NLGN1: variants seen among roughly 807,000 people sequenced by gnomAD.
The protein encoded by NLGN1 is neuroligin 1.
Under a neutral mutation model 65.5 loss-of-function variants are expected in NLGN1, and 12 were observed. The ratio of observed to expected loss-of-function variants is 0.18; its 90% CI spans 0.12 to 0.30. The LOEUF (loss-of-function observed/expected upper bound fraction) is 0.30. Among genes scored for constraint, NLGN1 ranks in the 10% least tolerant of loss-of-function variants. NLGN1 has a pLI of 1.00. For synonymous variants in NLGN1, 350 were observed against 359.5 expected (o/e 0.97, Z 0.30); for missense variants, 750 against 1,007.1 (o/e 0.74, Z 3.46).
intron 2 of NLGN1, among the ~76,000 whole-genome samples, chr3:173,450,701 A>T (rs960934033): frequency 6.6e-6 from 1 of 152,180 alleles, no homozygotes; most frequent in African/African-American, 2.4e-5. Flanking sequence ...AGGTACAACA[A>T]TCAGACGTAG....
chr3:173,923,114 G>A (rs66657232), intron 4 of NLGN1, among the ~76,000 whole-genome samples: 30,392 of 151,572 alleles, frequency 0.2, 3,253 homozygotes, highest in East Asian at 0.32. Flanking sequence ...TAATAGTTTC[G>A]AACTTTATTT....
At chr3:173,927,671 T>C (rs1743260495) in intron 4 of NLGN1, among the ~76,000 whole-genome samples, 1 of 152,024 alleles carries the variant, frequency 6.6e-6, no homozygotes, top group Non-Finnish European at 1.5e-5. Context: ...CATTTTAGGA[T>C]TGGAGGAGAC....
chr3:173,849,527 T>C (rs1403510259), intron 4 of NLGN1, among the ~76,000 whole-genome samples: 1 of 152,162 alleles, frequency 6.6e-6, no homozygotes, highest in Non-Finnish European at 1.5e-5. Flanking sequence ...GAAAATGTAT[T>C]ATATTTTACT....
intron 4 of NLGN1, among the ~76,000 whole-genome samples, chr3:173,966,296 A>G (rs1714848074): frequency 1.3e-5 from 2 of 152,172 alleles, no homozygotes; most frequent in African/African-American, 2.4e-5. Context: ...TGTTTTCCTA[A>G]GTCCAAAAAG....
intron 1 of NLGN1, among the ~76,000 whole-genome samples, chr3:173,406,852 T>C (rs560450465): frequency 6.6e-6 from 1 of 152,208 alleles, no homozygotes; most frequent in East Asian, 1.9e-4. Flanking sequence ...AAACACTGTG[T>C]TGCTTCTCAC....
In NLGN1 at chr3:174,280,617, G is replaced by T; in HGVS notation, c.1786G>T (p.Glu596Ter). The change falls in exon 7 of 7, where the codon GAA becomes TAA. Residue 596 changes from glutamate to a stop codon, truncating the protein, a stop_gained. Transcript: ENST00000457714. LOFTEE classifies it high-confidence loss of function. This position sits in a 1 kb window ranked among gnomAD's most constrained non-coding sequence, Gnocchi z 4.9. ...TATTGGATTAAAACCAAGAGTTAAA[G>T]AACATTACAGAGCCAATAAGGTGAA... is the stretch of plus-strand genomic sequence containing the variant. 6.2e-7 allele frequency: 1 copy of T among 1,613,228 alleles called. No homozygotes were observed. Among genetic ancestry groups the T allele is most frequent in the Non-Finnish European group, 8.5e-7 (1 of 1,179,504 alleles).
chr3:173,845,106 T>A (rs1244691432), intron 4 of NLGN1, among the ~76,000 whole-genome samples: 2 of 152,220 alleles, frequency 1.3e-5, no homozygotes, highest in Non-Finnish European at 2.9e-5. Context: ...AAATAGCATC[T>A]CACTTTTCAT....
At chr3:173,929,576 CA>C (rs538842767) in intron 4 of NLGN1, among the ~76,000 whole-genome samples, 6,662 of 84,928 alleles carry the variant, frequency 0.078, 211 homozygotes, top group Middle Eastern at 0.2. Flanking sequence ...CTGTCATTTC[CA>C]AAAAAAAAAA....
At chr3:174,056,344 TA>T (rs79529061) in intron 4 of NLGN1, among the ~76,000 whole-genome samples, 1 of 152,028 alleles carries the variant, frequency 6.6e-6, no homozygotes, top group African/African-American at 2.4e-5. Flanking sequence ...TGATTTTTTT[TA>T]AAAAAGCTTC....
intron 4 of NLGN1, among the ~76,000 whole-genome samples, chr3:174,240,806 G>A (rs2152830214): frequency 6.6e-6 from 1 of 152,188 alleles, no homozygotes; most frequent in Non-Finnish European, 1.5e-5. Context: ...AGAATTTGTG[G>A]GTCTTTTCAT....
At chr3:174,035,146 A>G (rs1057251788) in intron 4 of NLGN1, among the ~76,000 whole-genome samples, 4 of 152,178 alleles carry the variant, frequency 2.6e-5, no homozygotes, top group African/African-American at 9.7e-5. Flanking sequence ...ATTCCTCTTG[A>G]AAATACAATT....
chr3:173,659,312 A>G (rs1560120173), intron 3 of NLGN1, among the ~76,000 whole-genome samples: 1 of 152,000 alleles, frequency 6.6e-6, no homozygotes, highest in Admixed American at 6.6e-5. Context: ...CATATTAAAG[A>G]AAGGGCATTT....
chr3:173,743,313 T>C (rs1774917352), intron 3 of NLGN1, among the ~76,000 whole-genome samples: 1 of 152,148 alleles, frequency 6.6e-6, no homozygotes, highest in Admixed American at 6.6e-5. Context: ...GAGTAGCTTG[T>C]CCTAGAGTGT....
At chr3:174,197,429 A>G (rs1412588907) in intron 4 of NLGN1, among the ~76,000 whole-genome samples, 1 of 151,510 alleles carries the variant, frequency 6.6e-6, no homozygotes, top group African/African-American at 2.4e-5. Flanking sequence ...ACTAGGATAA[A>G]TGAATTCCAA....
intron 4 of NLGN1, among the ~76,000 whole-genome samples, chr3:173,985,644 A>G (rs1719716730): frequency 6.6e-6 from 1 of 152,224 alleles, no homozygotes; most frequent in Non-Finnish European, 1.5e-5. Flanking sequence ...TTTGTAATAA[A>G]GTATTTTTAA....
intron 4 of NLGN1, among the ~76,000 whole-genome samples, chr3:174,119,845 T>C (rs1342354999): frequency 6.6e-6 from 1 of 152,206 alleles, no homozygotes; most frequent in Non-Finnish European, 1.5e-5. Context: ...TACCTTATTT[T>C]CCCTTATATA....
At chr3:173,863,516 A>G (rs1034408524) in intron 4 of NLGN1, among the ~76,000 whole-genome samples, 2 of 152,158 alleles carry the variant, frequency 1.3e-5, no homozygotes, top group Non-Finnish European at 2.9e-5. Context: ...TACTTCCTCA[A>G]TTTCATTGTA....
At chr3:173,927,229 A>G (rs891538492) in intron 4 of NLGN1, among the ~76,000 whole-genome samples, 1 of 151,834 alleles carries the variant, frequency 6.6e-6, no homozygotes, top group African/African-American at 2.4e-5. Flanking sequence ...ACGCCTGGCT[A>G]ATTTTTGTAT....
chr3:173,600,532 C>T (rs1750318985), intron 2 of NLGN1, among the ~76,000 whole-genome samples: 1 of 62,672 alleles, frequency 1.6e-5, no homozygotes, highest in Non-Finnish European at 4.8e-5. Context: ...GAGTTGAGTT[C>T]AACAAGAAAA....
Sources: allele counts gnomAD v4.1 joint callset (sites outside exome capture counted in the v4.1 genomes callset), GRCh38; gene constraint gnomAD v4.1.1; non-coding constraint Gnocchi (gnomAD v3.1); transcripts MANE v1.5; gene names NCBI Gene and HGNC (gene_info 2026-07-23, HGNC 2026-07-21).